XYLT1: variants seen among roughly 807,000 people sequenced by gnomAD.
The protein encoded by XYLT1 is beta-D-xylosyltransferase 1.
A neutral mutation model predicts 91.3 loss-of-function variants in XYLT1; 36 were observed. The ratio of observed to expected loss-of-function variants is 0.39; its 90% CI spans 0.30 to 0.52. The LOEUF (loss-of-function observed/expected upper bound fraction) is 0.52. Ranked by LOEUF, XYLT1 falls within the 20% of genes least tolerant of loss-of-function variation. The pLI, the probability that XYLT1 is intolerant of heterozygous loss-of-function variation, is 0.68. For synonymous variants in XYLT1, 588 were observed against 532.0 expected (o/e 1.11, Z -1.45); for missense variants, 1,242 against 1,284.5 (o/e 0.97, Z 0.51).
At chr16:17,116,231 C>G (rs1173930912) in intron 11 of XYLT1, among the ~76,000 whole-genome samples, 1 of 152,122 alleles carries the variant, frequency 6.6e-6, no homozygotes, top group Non-Finnish European at 1.5e-5. Flanking sequence ...TAAAAGTAAA[C>G]CCTTTCAATG....
chr16:17,345,402 T>C (rs1194380618), intron 2 of XYLT1, among the ~76,000 whole-genome samples: 4 of 152,196 alleles, frequency 2.6e-5, no homozygotes, highest in Non-Finnish European at 4.4e-5. Flanking sequence ...CTGCAGAGAA[T>C]GCCAAAGTCT....
intron 5 of XYLT1, among the ~76,000 whole-genome samples, chr16:17,165,653 T>C (rs1356535518): frequency 1.3e-5 from 2 of 152,076 alleles, no homozygotes; most frequent in East Asian, 1.9e-4. Context: ...GACTGTGCCA[T>C]TGCACTCCAG....
chr16:17,136,252 A>G (rs1567289562), intron 8 of XYLT1, among the ~76,000 whole-genome samples: 1 of 152,244 alleles, frequency 6.6e-6, no homozygotes, highest in Non-Finnish European at 1.5e-5. Flanking sequence ...ACACCATTGT[A>G]AGATTTGAAG....
At chr16:17,359,892 T>C (rs2035358238) in intron 1 of XYLT1, among the ~76,000 whole-genome samples, 1 of 152,226 alleles carries the variant, frequency 6.6e-6, no homozygotes, top group Non-Finnish European at 1.5e-5. Flanking sequence ...GTCTACTCTG[T>C]ACTTCCTGTT....
At chr16:17,142,942 A>T (rs780525845) in intron 6 of XYLT1, among the ~76,000 whole-genome samples, 1 of 152,140 alleles carries the variant, frequency 6.6e-6, no homozygotes, top group Non-Finnish European at 1.5e-5. Flanking sequence ...TTTTCTTCTC[A>T]TCCAAAATCA....
At position 17,106,856 on chromosome 16, in the gene XYLT1, A is replaced by C. The variant is rs1452884873; in HGVS notation, c.*1839T>G. 1 of 152,044 alleles carries C rather than the reference A, an allele frequency of 6.6e-6. No homozygotes were observed. Among genetic ancestry groups the C allele is most frequent in the Non-Finnish European group, 1.5e-5 (1 of 68,038 alleles). The allele number at this position is 152,044 out of a possible 1,614,324, so 9.4% of individuals were successfully genotyped here. Reference sequence around the variant, plus strand: ...CAACGGTCCCCAAGGCACCCCACTCAAAGCCAGTGGAAGATGCGGGTTGGA... The same window carrying C: ...CAACGGTCCCCAAGGCACCCCACTCCAAGCCAGTGGAAGATGCGGGTTGGA... On this transcript the variant is annotated 3_prime_UTR_variant, in exon 12 of 12. Coordinates refer to ENST00000261381, the MANE Select transcript of XYLT1 (RefSeq NM_022166.4).
intron 2 of XYLT1, among the ~76,000 whole-genome samples, chr16:17,291,916 G>A (rs1251377805): frequency 6.6e-6 from 1 of 152,032 alleles, no homozygotes; most frequent in African/African-American, 2.4e-5. Flanking sequence ...GCCAGGCACG[G>A]TAGCTGACAC....
At chr16:17,173,653 G>A (rs1227754025) in intron 5 of XYLT1, among the ~76,000 whole-genome samples, 1 of 152,272 alleles carries the variant, frequency 6.6e-6, no homozygotes, top group Non-Finnish European at 1.5e-5. Flanking sequence ...CACAAACTCG[G>A]ACAGAATTCC....
At chr16:17,426,890 C>T (rs1396845275) in intron 1 of XYLT1, among the ~76,000 whole-genome samples, 2 of 152,052 alleles carry the variant, frequency 1.3e-5, no homozygotes, top group Non-Finnish European at 2.9e-5. Flanking sequence ...TGAGTGAAGA[C>T]CAGAATACTA....
chr16:17,460,636 G>A (rs2036807026), intron 1 of XYLT1, among the ~76,000 whole-genome samples: 1 of 152,254 alleles, frequency 6.6e-6, no homozygotes, highest in Non-Finnish European at 1.5e-5. Flanking sequence ...AGATCTTAGG[G>A]GGACTCTTAG....
intron 1 of XYLT1, among the ~76,000 whole-genome samples, chr16:17,438,585 G>A (rs2036492000): frequency 6.6e-6 from 1 of 152,064 alleles, no homozygotes; most frequent in Admixed American, 6.6e-5. Context: ...CGCATCCCTA[G>A]AAAGAACAAC....
At chr16:17,423,731 TC>T (rs1242024690) in intron 1 of XYLT1, among the ~76,000 whole-genome samples, 1 of 152,130 alleles carries the variant, frequency 6.6e-6, no homozygotes, top group Non-Finnish European at 1.5e-5. Context: ...TTCTCCTGCT[TC>T]AGTCTCCTGA....
chr16:17,223,737 T>C (rs1394456197), intron 3 of XYLT1, among the ~76,000 whole-genome samples: 1 of 152,198 alleles, frequency 6.6e-6, no homozygotes, highest in Non-Finnish European at 1.5e-5. Flanking sequence ...ATCTTCATGT[T>C]AGAGACATTA....
chr16:17,142,799 A>G (rs528526914), intron 6 of XYLT1, among the ~76,000 whole-genome samples: 42 of 152,244 alleles, frequency 2.8e-4, no homozygotes, highest in African/African-American at 8.7e-4. Context: ...AGGTATCTGC[A>G]CCAACTATAA....
At chr16:17,460,473 G>A (rs184949546) in intron 1 of XYLT1, among the ~76,000 whole-genome samples, 148 of 152,338 alleles carry the variant, frequency 9.7e-4, no homozygotes, top group Non-Finnish European at 2.0e-3. Context: ...CACAGGCAGT[G>A]AGAGGCAAAT....
chr16:17,134,126 C>T (rs952494910), intron 9 of XYLT1, among the ~76,000 whole-genome samples: 1 of 151,552 alleles, frequency 6.6e-6, no homozygotes, highest in African/African-American at 2.4e-5. Context: ...ACATCTTTGA[C>T]ATTTTCCATC....
chr16:17,138,615 C>CTGAG, intron 7 of XYLT1, 84 bp from the exon 8 acceptor site: 2 of 1,511,172 alleles, frequency 1.3e-6, no homozygotes, highest in Non-Finnish European at 1.8e-6. Context: ...AACCCTTGCT[C>CTGAG]TGAGTTCATG....
intron 9 of XYLT1, among the ~76,000 whole-genome samples, 155 bp from the exon 10 acceptor site, chr16:17,128,016 CTA>C: frequency 6.6e-6 from 1 of 152,318 alleles, no homozygotes; most frequent in South Asian, 2.1e-4. Flanking sequence ...ATCTCAATGA[CTA>C]TGAATACTTT....
intron 1 of XYLT1, among the ~76,000 whole-genome samples, chr16:17,437,192 C>T (rs983489414): frequency 6.6e-5 from 10 of 152,090 alleles, no homozygotes; most frequent in African/African-American, 1.4e-4. Context: ...TCAAAGAACA[C>T]CAATTATGAT....
Sources: allele counts gnomAD v4.1 joint callset (sites outside exome capture counted in the v4.1 genomes callset), GRCh38; gene constraint gnomAD v4.1.1; transcripts MANE v1.5; gene names NCBI Gene and HGNC (gene_info 2026-07-23, HGNC 2026-07-21).